ODAD4: variants seen among roughly 807,000 people sequenced by gnomAD.
ODAD4 encodes the protein outer dynein arm docking complex subunit 4.
A neutral mutation model predicts 51.8 loss-of-function variants in ODAD4; 49 were observed. The observed-to-expected ratio is 0.95, with a 90% CI of 0.75 to 1.20. The LOEUF (loss-of-function observed/expected upper bound fraction) is 1.20. Among genes scored for constraint, ODAD4 ranks in the 50% most tolerant of loss-of-function variants. The probability of loss-of-function intolerance (pLI) is 0.00; values close to 1 mark genes in which losing one functional copy is unlikely to be tolerated. For synonymous variants in ODAD4, 235 were observed against 221.3 expected (o/e 1.06, Z -0.55); for missense variants, 590 against 586.5 (o/e 1.01, Z -0.06).
At chr17:41,963,119 G>A (rs1337788185) in intron 11 of ODAD4, among the ~76,000 whole-genome samples, 3 of 152,196 alleles carry the variant, frequency 2.0e-5, no homozygotes, top group African/African-American at 7.2e-5. Flanking sequence ...CCTTGTGCCT[G>A]GAGAACTGCC....
At chr17:41,940,089 G>A (rs1032364459) in intron 7 of ODAD4, among the ~76,000 whole-genome samples, 1 of 152,118 alleles carries the variant, frequency 6.6e-6, no homozygotes, top group African/African-American at 2.4e-5. Context: ...CAGCATCCTG[G>A]TTCTACCCTT....
At position 41,930,664 on chromosome 17, in the gene ODAD4, T is replaced by TA. The variant is rs1164000302; in HGVS notation, c.-59dup. 1.8e-6 allele frequency: 2 copies of TA among 1,123,808 alleles called. No homozygotes were observed. The highest frequency in any genetic ancestry group is 2.6e-5 in the East Asian group (1 of 39,180). The allele number at this position is 1,123,808 out of a possible 1,614,324, so 69.6% of individuals were successfully genotyped here. A position where few individuals can be genotyped will look rare whatever the true frequency, so the allele number is the denominator to read the frequency against. ...AGAAACGGAGCTTCCACAAACCAGA[T>TA]AGAGGTTCTCCAGCTTTTCTTTGAT... is the stretch of plus-strand genomic sequence containing the variant. On this transcript the variant is annotated 5_prime_UTR_variant, in exon 1 of 12. The change abolishes the stop of an existing upstream ORF in the 5' untranslated region. Transcript: ENST00000377540.
At chr17:41,946,280 G>A (rs1427440202) in intron 8 of ODAD4, among the ~76,000 whole-genome samples, 6 of 152,170 alleles carry the variant, frequency 3.9e-5, no homozygotes, top group Non-Finnish European at 5.9e-5. Flanking sequence ...GGACCATCAG[G>A]AAATGCCCTC....
chr17:41,952,204 T>C (rs1439807325), intron 9 of ODAD4, among the ~76,000 whole-genome samples: 1 of 151,250 alleles, frequency 6.6e-6, no homozygotes, highest in African/African-American at 2.4e-5. Flanking sequence ...CCATCTCTAC[T>C]AAAAATCCAA....
rs2050623076 is a variant in ODAD4 at position 41,949,157 on chromosome 17, G to A, written c.1150G>A (p.Glu384Lys). 4 of 398,412 alleles carry A rather than the reference G, an allele frequency of 1.0e-5. No homozygotes were observed. The highest frequency in any genetic ancestry group is 1.3e-5 in the Non-Finnish European group (3 of 226,096). 24.7% of individuals were successfully genotyped at this position (398,412 alleles called of 1,614,324 possible). A position where few individuals can be genotyped will look rare whatever the true frequency, so the allele number is the denominator to read the frequency against. Residue 384 changes from glutamate (E) to lysine (K), a missense_variant, in exon 9 of 12, where the codon GAA (glutamate) becomes AAA (lysine). Physicochemically the swap from Glu to Lys is moderately conservative, Grantham distance 56 (BLOSUM62 1). Coordinates refer to ENST00000377540, the MANE Select transcript of ODAD4 (RefSeq NM_031421.5). ...GKFQQAIDTW[E>K]EKIPLAKTTL... ...TCTGGTTCTTCATGTCCCCAGGTGG[G>A]AAGAAAAGATCCCTCTGGCAAAAAC...
chr17:41,952,533 C>G (rs1555640287), intron 9 of ODAD4: 2 of 320,638 alleles, frequency 6.2e-6, no homozygotes, highest in African/African-American at 5.8e-5. Flanking sequence ...GGCCCTGACC[C>G]TCACTCCAAA....
In ODAD4 at chr17:41,966,029, G is replaced by C. The variant is rs1284291411; in HGVS notation, c.*546G>C. ...ACAGACTCCGCCTCTGACACCTCTG[G>C]GTGGCATAATCAGGTAAATCAGGCT... On this transcript the variant is annotated 3_prime_UTR_variant, in exon 12 of 12. Transcript: ENST00000377540. 1.3e-5 allele frequency among the ~76,000 whole-genome samples: 2 copies of C among 152,208 alleles called. No individual in the cohort carries two copies. Among genetic ancestry groups the C allele is most frequent in the Non-Finnish European group, 1.5e-5 (1 of 68,040 alleles).
rs141403322 is a variant in ODAD4, at chr17:41,956,014, T to C, written c.1443+697T>C. Among the ~76,000 whole-genome samples, 405 of 150,932 alleles carry C rather than the reference T, an allele frequency of 2.7e-3. 3 individuals carry two copies. Among genetic ancestry groups the C allele is most frequent in the African/African-American group, 9.5e-3 (392 of 41,154 alleles). The stretch of plus-strand genomic sequence containing the variant: ...CAATCCACCCTCCTCAGCCTCCCAA[T>C]GTGCTGGGATTACACGTGTAAACTG... On this transcript the variant is annotated intron_variant, in intron 10 of 11. Transcript: ENST00000377540.
chr17:41,932,146 C>G (rs1402587677), intron 1 of ODAD4, among the ~76,000 whole-genome samples: 3 of 151,712 alleles, frequency 2.0e-5, no homozygotes, highest in African/African-American at 7.3e-5. Context: ...CTCGGCTCAC[C>G]CCAACCTCCA....
intron 7 of ODAD4, among the ~76,000 whole-genome samples, chr17:41,944,484 GATA>G (rs1259973709): frequency 6.8e-6 from 1 of 147,702 alleles, no homozygotes; most frequent in Admixed American, 6.8e-5. Flanking sequence ...TTAGAGCACT[GATA>G]ACATTTAGAT....
At position 41,930,715 on chromosome 17, in the gene ODAD4, C is replaced by A; in HGVS notation, c.-9C>A. The A allele has an allele frequency of 1.3e-6, 2 of 1,578,406 alleles. No individual in the cohort carries two copies. Among genetic ancestry groups the A allele is most frequent in the Non-Finnish European group, 1.7e-6 (2 of 1,152,098 alleles). On this transcript the variant is annotated 5_prime_UTR_variant, in exon 1 of 12. Transcript: ENST00000377540. ...TGTCTCTGCTTTAGCGTCTCTAAAT[C>A]CGGTCACCATGTCGGACCCCGAAGG... is the stretch of plus-strand genomic sequence containing the variant.
At chr17:41,932,454 G>A (rs1180419619) in intron 1 of ODAD4, among the ~76,000 whole-genome samples, 3 of 152,204 alleles carry the variant, frequency 2.0e-5, no homozygotes, top group African/African-American at 7.2e-5. Context: ...GCAGAGGAAG[G>A]ATTCAAAGCC....
intron 3 of ODAD4, 94 bp downstream of exon 3, chr17:41,935,843 C>G (rs1276627974): frequency 2.1e-6 from 3 of 1,459,344 alleles, no homozygotes; most frequent in Non-Finnish European, 2.8e-6. Flanking sequence ...GAGCAGCCAC[C>G]ACCAGGCCCG....
chr17:41,947,751 C>T (rs1344525528), intron 8 of ODAD4, among the ~76,000 whole-genome samples: 4 of 150,416 alleles, frequency 2.7e-5, no homozygotes, highest in African/African-American at 7.3e-5. Context: ...GCTGAGATGG[C>T]GCCACTGCAC....
At chr17:41,960,471 CA>C (rs1567940366) in intron 10 of ODAD4, among the ~76,000 whole-genome samples, 1 of 151,412 alleles carries the variant, frequency 6.6e-6, no homozygotes, top group East Asian at 1.9e-4. Context: ...AACAAACAAA[CA>C]AAAAACAAAG....
chr17:41,960,106 C>T (rs915363877), intron 10 of ODAD4, among the ~76,000 whole-genome samples: 2 of 152,144 alleles, frequency 1.3e-5, no homozygotes, highest in African/African-American at 2.4e-5. Flanking sequence ...AAATATTCGC[C>T]GAGTGTAGAT....
rs975739540 is a variant in ODAD4 at position 41,950,507 on chromosome 17, T to C, written c.1342+1158T>C. 3.9e-3 allele frequency among the ~76,000 whole-genome samples: 591 copies of C among 150,158 alleles called. 1 individual carries two copies. Among genetic ancestry groups the C allele is most frequent in the African/African-American group, 0.014 (560 of 40,772 alleles). On this transcript the variant is annotated intron_variant, in intron 9 of 11. Transcript: ENST00000377540. ...AAATGATTCCTGTGCCTCAGCTTCC[T>C]GAGTAGCTGGGATTACATGTGTGCA...
chr17:41,953,498 G>C (rs2050686435), intron 9 of ODAD4, among the ~76,000 whole-genome samples: 1 of 152,092 alleles, frequency 6.6e-6, no homozygotes, highest in Non-Finnish European at 1.5e-5. Flanking sequence ...ACCTTGGCTG[G>C]TAAGCACTTT....
intron 11 of ODAD4, 77 bp downstream of exon 11, chr17:41,961,543 C>A (rs781960547): frequency 6.8e-5 from 48 of 702,186 alleles, no homozygotes; most frequent in Non-Finnish European, 1.2e-4. Flanking sequence ...GAGACACATG[C>A]GACAGCAGCT....
Sources: gnomAD v4.1 joint callset for allele counts (sites outside exome capture counted in the v4.1 genomes callset) on GRCh38, gnomAD v4.1.1 for gene constraint, MANE v1.5 for transcripts, NCBI Gene and HGNC (gene_info 2026-07-23, HGNC 2026-07-21) for gene names.